PTPRE: variants seen among roughly 807,000 people sequenced by gnomAD.
PTPRE encodes the protein protein tyrosine phosphatase receptor type E, also known as receptor-type tyrosine-protein phosphatase epsilon.
In PTPRE, 51 loss-of-function variants were observed where a neutral mutation model predicts 102.0. The ratio of observed to expected loss-of-function variants is 0.50; its 90% CI spans 0.40 to 0.63. The LOEUF is 0.63. Ranked by LOEUF, PTPRE falls within the 30% of genes least tolerant of loss-of-function variation. The probability of loss-of-function intolerance (pLI) is 0.00; values close to 1 mark genes in which losing one functional copy is unlikely to be tolerated. For missense variants in PTPRE, 752 were observed against 915.1 expected (o/e 0.82, Z 2.30); for synonymous variants, 345 against 348.2 (o/e 0.99, Z 0.10).
intron 17 of PTPRE, among the ~76,000 whole-genome samples, chr10:128,075,415 A>G (rs987548648): frequency 1.3e-5 from 2 of 152,058 alleles, no homozygotes; most frequent in Admixed American, 6.5e-5. Flanking sequence ...TGCATTAGCT[A>G]TTTGTCCTAA....
chr10:127,975,213 G>T (rs1211049637), intron 1 of PTPRE, among the ~76,000 whole-genome samples: 1 of 152,178 alleles, frequency 6.6e-6, no homozygotes, highest in East Asian at 1.9e-4. Flanking sequence ...TTGTGTGAGT[G>T]AGCGGCCTCT....
chr10:127,998,617 C>T (rs888722443), intron 2 of PTPRE: 1 of 152,204 alleles, frequency 6.6e-6, no homozygotes, highest in African/African-American at 2.4e-5. Flanking sequence ...TGGCGCTGCA[C>T]ATAAGAAAAG....
intron 1 of PTPRE, among the ~76,000 whole-genome samples, chr10:127,924,350 C>T (rs1020861930): frequency 2.6e-5 from 4 of 152,112 alleles, no homozygotes; most frequent in South Asian, 2.1e-4. Context: ...CTCAGCCTCT[C>T]GAGTAGCTGG....
intron 2 of PTPRE, among the ~76,000 whole-genome samples, chr10:128,033,652 T>G (rs1205486624): frequency 6.6e-6 from 1 of 152,230 alleles, no homozygotes; most frequent in East Asian, 1.9e-4. Context: ...TATTTACTTA[T>G]TTATTTATTC....
At chr10:127,926,789 G>A (rs555676513) in intron 1 of PTPRE, among the ~76,000 whole-genome samples, 1 of 147,906 alleles carries the variant, frequency 6.8e-6, no homozygotes, top group East Asian at 2.0e-4. Flanking sequence ...GAGAGACCAA[G>A]GGAAAGAGAG....
Position 127,944,039 on chromosome 10 carries a change from T to A in PTPRE, c.-31+36730T>A, listed in dbSNP as rs73376128. 0.022 allele frequency among the ~76,000 whole-genome samples: 3,314 copies of A among 152,272 alleles called. 130 individuals are homozygous for A. Among genetic ancestry groups the A allele is most frequent in the African/African-American group, 0.076 (3,142 of 41,530 alleles). ...TGGGGCATTTGTGCACGACAGAACC[T>A]AAGGGCACACAAAGTTGCTCCTGTC... On this transcript the variant is annotated intron_variant, in intron 1 of 20. Coordinates refer to ENST00000254667, the MANE Select transcript of PTPRE (RefSeq NM_006504.6). This position sits in a 1 kb window ranked among gnomAD's most constrained non-coding sequence, Gnocchi z 4.2.
At chr10:128,011,849 G>T (rs994725752) in intron 2 of PTPRE, among the ~76,000 whole-genome samples, 3 of 152,202 alleles carry the variant, frequency 2.0e-5, no homozygotes, top group African/African-American at 4.8e-5. Context: ...CTGGAATGTG[G>T]CTGTCACTGT....
intron 2 of PTPRE, among the ~76,000 whole-genome samples, chr10:127,994,711 ATTTGT>A: frequency 6.6e-6 from 1 of 152,274 alleles, no homozygotes; most frequent in Non-Finnish European, 1.5e-5. Context: ...ATGTGGCCAC[ATTTGT>A]TTTGTTTTAT....
rs1292117436 is a variant in PTPRE, at chr10:127,944,837, G to A, written c.-30-37437G>A. ...ATTAGGTAGGTGGCAATGAGATGGAGAGAGTGGGCAGATTCCACACATTTT... is the reference window on the plus strand; with the variant it reads ...ATTAGGTAGGTGGCAATGAGATGGAAAGAGTGGGCAGATTCCACACATTTT... On this transcript the variant is annotated intron_variant, in intron 1 of 20. Transcript: ENST00000254667. The surrounding 1 kb of genome is among the most constrained non-coding windows in gnomAD (Gnocchi z 4.2). Among the ~76,000 whole-genome samples, 1 of 152,194 alleles carries A rather than the reference G, an allele frequency of 6.6e-6. No individual in the cohort carries two copies. The highest frequency in any genetic ancestry group is 2.4e-5 in the African/African-American group (1 of 41,438).
At chr10:128,050,526 A>C in intron 6 of PTPRE, among the ~76,000 whole-genome samples, 1 of 152,138 alleles carries the variant, frequency 6.6e-6, no homozygotes, top group East Asian at 1.9e-4. Flanking sequence ...GATATGAGGA[A>C]GTATTGTCTT....
At position 128,038,090 on chromosome 10, in the gene PTPRE, C is replaced by T. The variant is rs963733352; in HGVS notation, c.-7-2785C>T. On this transcript the variant is annotated intron_variant, in intron 2 of 20. Coordinates refer to ENST00000254667, the MANE Select transcript of PTPRE (RefSeq NM_006504.6). ...TACTGGGATTACAGGCATGAGCCAC[C>T]GCGTCTGGCCCAGCATGATTTTAAT... Among the ~76,000 whole-genome samples, 7 of 152,002 alleles carry T rather than the reference C, an allele frequency of 4.6e-5. No individual in the cohort carries two copies. The East Asian group carries it at 7.7e-4, about 17-fold the overall frequency.
intron 2 of PTPRE, among the ~76,000 whole-genome samples, chr10:128,030,457 G>A (rs187176190): frequency 2.0e-5 from 3 of 152,296 alleles, no homozygotes; most frequent in East Asian, 3.9e-4. Context: ...GAGAGACGTC[G>A]AACCAGCTGG....
intron 5 of PTPRE, among the ~76,000 whole-genome samples, chr10:128,048,205 T>G (rs147434527): frequency 6.6e-6 from 1 of 152,328 alleles, no homozygotes; most frequent in Non-Finnish European, 1.5e-5. Context: ...TGTACTGCTT[T>G]AGGATCCAGC....
At chr10:128,065,382 T>TGATGGAG (rs1358577839) in intron 10 of PTPRE, among the ~76,000 whole-genome samples, 1 of 152,118 alleles carries the variant, frequency 6.6e-6, no homozygotes, top group Non-Finnish European at 1.5e-5. Flanking sequence ...ACTCGCGAAG[T>TGATGGAG]GATGGAGGAC....
At chr10:127,976,599 A>G (rs1274877471) in intron 1 of PTPRE, among the ~76,000 whole-genome samples, 6 of 152,198 alleles carry the variant, frequency 3.9e-5, no homozygotes, top group Non-Finnish European at 1.5e-5. Flanking sequence ...TGGTTGAGAA[A>G]AATGGGTCTT....
chr10:128,042,678 C>T (rs1324613152), intron 3 of PTPRE, among the ~76,000 whole-genome samples: 2 of 152,186 alleles, frequency 1.3e-5, no homozygotes, highest in East Asian at 1.9e-4. Context: ...TATGAAGGAC[C>T]ATTTCAGATG....
intron 1 of PTPRE, among the ~76,000 whole-genome samples, chr10:127,908,542 C>T (rs553100483): frequency 5.3e-5 from 8 of 152,254 alleles, no homozygotes; most frequent in African/African-American, 1.7e-4. Context: ...GTCTGACCAC[C>T]ACGGTCACTC....
chr10:128,079,855 A>G lies in PTPRE; in HGVS notation c.2028+160A>G, dbSNP rs149543879. Among the ~76,000 whole-genome samples the G allele has an allele frequency of 5.9e-3, 906 of 152,348 alleles. 7 individuals carry two copies. The highest frequency in any genetic ancestry group is 0.017 in the Middle Eastern group (5 of 294). ...GCAATGTTTCGCAGTAAACCTCTGCAGAGCCCTCCTTCCTTGGGTCTGTGA... is the reference window on the plus strand; with the variant it reads ...GCAATGTTTCGCAGTAAACCTCTGCGGAGCCCTCCTTCCTTGGGTCTGTGA... On this transcript the variant is annotated intron_variant, in intron 20 of 20. Transcript: ENST00000254667.
intron 1 of PTPRE, among the ~76,000 whole-genome samples, chr10:127,979,504 C>T (rs572626923): frequency 5.3e-5 from 8 of 152,214 alleles, no homozygotes; most frequent in Non-Finnish European, 1.0e-4. Context: ...CAATAAAATA[C>T]CTGATCTATT....
Sources: allele counts gnomAD v4.1 joint callset (sites outside exome capture counted in the v4.1 genomes callset), GRCh38; gene constraint gnomAD v4.1.1; non-coding constraint Gnocchi (gnomAD v3.1); transcripts MANE v1.5; gene names NCBI Gene and HGNC (gene_info 2026-07-23, HGNC 2026-07-21).